DNM3: variants seen among roughly 807,000 people sequenced by gnomAD.
The protein encoded by DNM3 is dynamin 3.
DNM3 carries 47 observed loss-of-function variants against 101.6 expected under a neutral mutation model. That is an observed-to-expected ratio of 0.46 (90% CI 0.37 to 0.59). DNM3 has a LOEUF of 0.59. Among genes scored for constraint, DNM3 ranks in the 20% least tolerant of loss-of-function variants. The probability of loss-of-function intolerance (pLI) is 0.00; values close to 1 mark genes in which losing one functional copy is unlikely to be tolerated. For synonymous variants in DNM3, 385 were observed against 387.9 expected (o/e 0.99, Z 0.09); for missense variants, 849 against 1,085.7 (o/e 0.78, Z 3.06).
chr1:172,225,423 C>G (rs1354626621), intron 14 of DNM3, among the ~76,000 whole-genome samples: 1 of 152,046 alleles, frequency 6.6e-6, no homozygotes, highest in Non-Finnish European at 1.5e-5. Flanking sequence ...GCATGAGCCA[C>G]CGTACCCGAC....
chr1:172,013,714 G>A (rs1267547235), intron 4 of DNM3, among the ~76,000 whole-genome samples: 1 of 151,952 alleles, frequency 6.6e-6, no homozygotes, highest in African/African-American at 2.4e-5. Context: ...ATAAAGAGAA[G>A]GGTATTTGGA....
At chr1:171,939,828 T>A (rs1162601072) in intron 2 of DNM3, among the ~76,000 whole-genome samples, 7 of 152,182 alleles carry the variant, frequency 4.6e-5, no homozygotes, top group Non-Finnish European at 4.4e-5. Context: ...TTGCTTCCCC[T>A]TGGGCCTCTA....
chr1:172,014,602 G>A (rs12092346), intron 4 of DNM3, among the ~76,000 whole-genome samples: 2,499 of 152,182 alleles, frequency 0.016, 82 homozygotes, highest in African/African-American at 0.057. Flanking sequence ...ATCCTCTTTG[G>A]TAAGGCTGTT....
chr1:172,026,384 C>T (rs759511885), intron 4 of DNM3, among the ~76,000 whole-genome samples: 5 of 152,124 alleles, frequency 3.3e-5, no homozygotes, highest in African/African-American at 4.8e-5. Context: ...AAACACTTTT[C>T]AGGATATTAT....
chr1:172,407,040 G>A (rs945165166), intron 20 of DNM3, among the ~76,000 whole-genome samples: 11 of 151,836 alleles, frequency 7.2e-5, no homozygotes, highest in African/African-American at 2.7e-4. Flanking sequence ...AATATTACTT[G>A]GTAATGTTGA....
At chr1:172,176,078 C>G in intron 14 of DNM3, among the ~76,000 whole-genome samples, 1 of 151,758 alleles carries the variant, frequency 6.6e-6, no homozygotes, top group Non-Finnish European at 1.5e-5. Flanking sequence ...AGTGACTTTG[C>G]ACACGTGATT....
chr1:171,878,488 C>T (rs2035973993), intron 1 of DNM3, among the ~76,000 whole-genome samples: 1 of 151,790 alleles, frequency 6.6e-6, no homozygotes, highest in African/African-American at 2.4e-5. Context: ...CTCTCAGATA[C>T]CAAGCATGTT....
chr1:172,205,464 C>T (rs1034266311), intron 14 of DNM3, among the ~76,000 whole-genome samples: 1 of 151,710 alleles, frequency 6.6e-6, no homozygotes, highest in Admixed American at 6.6e-5. Context: ...ACGAAACATA[C>T]CATAAATTAA....
At chr1:172,106,410 G>C (rs1558577569) in intron 13 of DNM3, among the ~76,000 whole-genome samples, 1 of 152,066 alleles carries the variant, frequency 6.6e-6, no homozygotes, top group Non-Finnish European at 1.5e-5. Context: ...GACAGAGCAA[G>C]ACAAAGAAAG....
intron 4 of DNM3, among the ~76,000 whole-genome samples, chr1:172,002,458 T>C (rs2046412658): frequency 6.6e-6 from 1 of 152,136 alleles, no homozygotes; most frequent in Non-Finnish European, 1.5e-5. Context: ...GAATTTACTA[T>C]GCATTGGGCT....
chr1:172,178,529 G>A (rs1281254186), intron 14 of DNM3, among the ~76,000 whole-genome samples: 1 of 151,804 alleles, frequency 6.6e-6, no homozygotes, highest in African/African-American at 2.4e-5. Flanking sequence ...CACAAGTAAG[G>A]AAGGGATAGG....
chr1:172,032,975 A>T lies in DNM3; in HGVS notation c.689-130A>T, dbSNP rs926118961. On this transcript the variant is annotated intron_variant, in intron 5 of 20. Coordinates refer to ENST00000627582, the MANE Select transcript of DNM3 (RefSeq NM_015569.5). The stretch of plus-strand genomic sequence containing the variant: ...ACTGATGTTTCCCATTGAGTTTTAT[A>T]AAGGAACTCAGTCTTCAGGCCTAAA... 10 of 1,103,350 alleles carry T rather than the reference A, an allele frequency of 9.1e-6. No homozygotes were observed. In the African/African-American group the frequency reaches 1.6e-4, roughly 18 times the overall value. The allele number at this position is 1,103,350 out of a possible 1,614,324, so 68.3% of individuals were successfully genotyped here.
intron 12 of DNM3, among the ~76,000 whole-genome samples, chr1:172,091,002 C>A (rs956757879): frequency 6.6e-6 from 1 of 152,138 alleles, no homozygotes; most frequent in African/African-American, 2.4e-5. Flanking sequence ...TATATTGATA[C>A]GTGTTTATTC....
At chr1:172,273,145 TA>T (rs2063148051) in intron 15 of DNM3, among the ~76,000 whole-genome samples, 1 of 152,076 alleles carries the variant, frequency 6.6e-6, no homozygotes, top group Non-Finnish European at 1.5e-5. Context: ...GCTTTATTTG[TA>T]GTTTTAATTT....
At chr1:172,254,459 A>T (rs2062319751) in intron 15 of DNM3, among the ~76,000 whole-genome samples, 1 of 152,276 alleles carries the variant, frequency 6.6e-6, no homozygotes, top group South Asian at 2.1e-4. Flanking sequence ...CAGTTTTTCA[A>T]AGTGCTCTCT....
chr1:172,395,235 G>C (rs1184890275), intron 20 of DNM3, among the ~76,000 whole-genome samples: 1 of 150,360 alleles, frequency 6.7e-6, no homozygotes, highest in African/African-American at 2.5e-5. Flanking sequence ...CAGTGGCGTG[G>C]TCTCGGCTCA....
chr1:171,882,158 A>G (rs912565672), intron 1 of DNM3, among the ~76,000 whole-genome samples: 3 of 152,072 alleles, frequency 2.0e-5, no homozygotes, highest in African/African-American at 7.2e-5. Context: ...ACCAGCCTCA[A>G]CATGGAGAAA....
At chr1:172,099,275 C>A (rs2054467572) in intron 13 of DNM3, among the ~76,000 whole-genome samples, 1 of 152,122 alleles carries the variant, frequency 6.6e-6, no homozygotes. Flanking sequence ...TATAATAATT[C>A]AATGAAGGTC....
intron 14 of DNM3, among the ~76,000 whole-genome samples, chr1:172,164,560 C>A (rs1479077503): frequency 2.6e-5 from 4 of 151,984 alleles, no homozygotes; most frequent in Non-Finnish European, 5.9e-5. Flanking sequence ...GCATAGGTAG[C>A]TTCAAATCAA....
Sources: allele counts gnomAD v4.1 joint callset (sites outside exome capture counted in the v4.1 genomes callset), GRCh38; gene constraint gnomAD v4.1.1; transcripts MANE v1.5; gene names NCBI Gene and HGNC (gene_info 2026-07-23, HGNC 2026-07-21).